Variants in C12orf75 observed in about 807,000 individuals in gnomAD.
The protein encoded by C12orf75 is overexpressed in colon carcinoma 1 protein.
Under a neutral mutation model 11.4 loss-of-function variants are expected in C12orf75, and 4 were observed. That is an observed-to-expected ratio of 0.35 (90% CI 0.17 to 0.80). C12orf75 has a LOEUF of 0.80. C12orf75 is among the 30% of genes least tolerant of loss of function. C12orf75 has a pLI of 0.52. For missense variants in C12orf75, 89 were observed against 80.4 expected (o/e 1.11, Z -0.41); for synonymous variants, 30 against 30.0 (o/e 1.00, Z 0.00).
chr12:105,339,422 A>T (rs1892539153), intron 1 of C12orf75, among the ~76,000 whole-genome samples: 1 of 142,476 alleles, frequency 7.0e-6, no homozygotes, highest in African/African-American at 2.6e-5. Context: ...AATTCTTCAC[A>T]TACATAATTT....
intron 1 of C12orf75, among the ~76,000 whole-genome samples, chr12:105,340,320 G>A (rs2136141692): frequency 6.6e-6 from 1 of 151,852 alleles, no homozygotes; most frequent in South Asian, 2.1e-4. Context: ...AGCTACTTGG[G>A]ACGCTGAGGC....
chr12:105,331,233 G>C (rs975217354), intron 1 of C12orf75, among the ~76,000 whole-genome samples: 2 of 152,080 alleles, frequency 1.3e-5, no homozygotes, highest in South Asian at 4.1e-4. Flanking sequence ...GGGTCTCAGG[G>C]CTCTCCTGGG....
chr12:105,345,737 A>G (rs527238360), intron 1 of C12orf75, among the ~76,000 whole-genome samples: 12 of 137,034 alleles, frequency 8.8e-5, no homozygotes, highest in East Asian at 4.4e-4. Flanking sequence ...TCTCAACTCA[A>G]TGCAACCTTT....
intron 2 of C12orf75, among the ~76,000 whole-genome samples, chr12:105,352,795 A>G (rs947737856): frequency 6.6e-6 from 1 of 152,178 alleles, no homozygotes; most frequent in Non-Finnish European, 1.5e-5. Flanking sequence ...AAACCTAGCT[A>G]GGTTAACCTT....
rs952219652 is a variant in C12orf75, at chr12:105,365,814, G to A, written c.79G>A (p.Glu27Lys). The change falls in exon 3 of 6, where the codon GAA (glutamate) becomes AAA (lysine). Residue 27 changes from glutamate (E) to lysine (K), a missense_variant. Physicochemically the swap from Glu to Lys is moderately conservative, Grantham distance 56 (BLOSUM62 1). Transcript: ENST00000443585. ...ATGTTTCTGACCTTTTAGAACAGAA[G>A]AATCCGTAACAGAAGATGACAAGAG... ...PAGAAKDVTE[E>K]SVTEDDKRRN... 6.5e-7 allele frequency: 1 copy of A among 1,549,262 alleles called. No individual in the cohort carries two copies. The highest frequency in any genetic ancestry group is 1.4e-5 in the African/African-American group (1 of 73,108).
chr12:105,356,010 A>G (rs1892776779), intron 2 of C12orf75, among the ~76,000 whole-genome samples: 1 of 152,210 alleles, frequency 6.6e-6, no homozygotes, highest in African/African-American at 2.4e-5. Context: ...AAAGGGACTA[A>G]TATTGGCCAA....
At position 105,362,107 on chromosome 12, in the gene C12orf75, C is replaced by T. The variant is rs570215367; in HGVS notation, c.72-3700C>T. Among the ~76,000 whole-genome samples the T allele has an allele frequency of 2.5e-4, 38 of 151,958 alleles. No homozygotes were observed. In the East Asian group the frequency reaches 7.4e-3, roughly 29 times the overall value. ...ATGATAAAAATTGGAGAGCTCCTGG[C>T]CGGGCGCGGTGGCTCACGCCTGTAA... On this transcript the variant is annotated intron_variant, in intron 2 of 5. Transcript: ENST00000443585.
At chr12:105,343,628 A>C (rs1325689125) in intron 1 of C12orf75, among the ~76,000 whole-genome samples, 3 of 152,186 alleles carry the variant, frequency 2.0e-5, no homozygotes, top group Non-Finnish European at 4.4e-5. Context: ...TTATGATTTT[A>C]TACTTTTACA....
rs147297248 is a variant in C12orf75, at chr12:105,358,244, G to C, written c.72-7563G>C. Among the ~76,000 whole-genome samples the C allele has an allele frequency of 2.0e-5, 3 of 152,288 alleles. No homozygotes were observed. The East Asian group carries it at 5.8e-4, about 29-fold the overall frequency. On this transcript the variant is annotated intron_variant, in intron 2 of 5. Transcript: ENST00000443585. ...TTTAAAAGGTTTTATAGCTGGGCAT[G>C]GTGGCACGTGTTTGTAGTCCCAGCC...
At chr12:105,355,387 C>A (rs1892767254) in intron 2 of C12orf75, among the ~76,000 whole-genome samples, 1 of 152,082 alleles carries the variant, frequency 6.6e-6, no homozygotes, top group Non-Finnish European at 1.5e-5. Flanking sequence ...CCAGGCTGGT[C>A]TCGAACTCCT....
chr12:105,366,405 C>T (rs1055157269), intron 3 of C12orf75: 4 of 383,758 alleles, frequency 1.0e-5, no homozygotes, highest in East Asian at 3.9e-5. Flanking sequence ...ATTCTACTAA[C>T]GCAATACATC....
chr12:105,345,659 C>CTTTTTTTTTTTTTTTTT (rs771376717), intron 1 of C12orf75, among the ~76,000 whole-genome samples: 4 of 73,520 alleles, frequency 5.4e-5, no homozygotes, highest in African/African-American at 1.7e-4. Flanking sequence ...AGTGTCTGGC[C>CTTTTTTTTTTTTTTTTT]TTTTTTTTTT....
At chr12:105,350,737 C>T (rs1892703188) in intron 2 of C12orf75, among the ~76,000 whole-genome samples, 1 of 152,130 alleles carries the variant, frequency 6.6e-6, no homozygotes, top group South Asian at 2.1e-4. Flanking sequence ...TAGAGTTATT[C>T]ATGTCATGCT....
chr12:105,360,748 C>G (rs1174356295), intron 2 of C12orf75, among the ~76,000 whole-genome samples: 1 of 152,014 alleles, frequency 6.6e-6, no homozygotes, highest in African/African-American at 2.4e-5. Context: ...GTCTCCCGGG[C>G]TCAGGTGAAC....
At position 105,348,636 on chromosome 12, in the gene C12orf75, G is replaced by A; in HGVS notation, c.71+10G>A. 1 of 1,524,710 alleles carries A rather than the reference G, an allele frequency of 6.6e-7. No homozygotes were observed. Among genetic ancestry groups the A allele is most frequent in the Non-Finnish European group, 8.9e-7 (1 of 1,128,774 alleles). The allele number at this position is 1,524,710 out of a possible 1,614,324, so 94.4% of individuals were successfully genotyped here. ...GAGCAGCCAAAGATGTGTAAGTATTGAATATTAATGATTTTATAAGCTGTC... is the reference window on the plus strand; with the variant it reads ...GAGCAGCCAAAGATGTGTAAGTATTAAATATTAATGATTTTATAAGCTGTC... On this transcript the variant is annotated intron_variant, in intron 2 of 5. Coordinates refer to ENST00000443585, the MANE Select transcript of C12orf75 (RefSeq NM_001145199.2).
chr12:105,366,608 T>C lies in C12orf75; in HGVS notation c.108-9T>C, dbSNP rs1454536756. On this transcript the variant is annotated splice_polypyrimidine_tract_variant and intron_variant, in intron 3 of 5. Transcript: ENST00000443585. ...ACCATTTAAATTGGTTTGATTTCTT[T>C]TTATCAAGAAACTATGGAGGAGTAT... The C allele has an allele frequency of 3.4e-6, 5 of 1,473,008 alleles. No individual in the cohort carries two copies. Among genetic ancestry groups the C allele is most frequent in the Non-Finnish European group, 4.6e-6 (5 of 1,078,184 alleles). The allele number at this position is 1,473,008 out of a possible 1,614,324, so 91.2% of individuals were successfully genotyped here.
intron 1 of C12orf75, among the ~76,000 whole-genome samples, chr12:105,332,075 C>T (rs2136138189): frequency 6.6e-6 from 1 of 152,232 alleles, no homozygotes; most frequent in Non-Finnish European, 1.5e-5. Flanking sequence ...GGAGAGCGAA[C>T]TTTTTAGATT....
chr12:105,355,000 G>T (rs918435999), intron 2 of C12orf75, among the ~76,000 whole-genome samples: 1 of 151,920 alleles, frequency 6.6e-6, no homozygotes, highest in African/African-American at 2.4e-5. Flanking sequence ...CCTCCCTAGG[G>T]AGTGGGATTT....
chr12:105,344,290 A>G (rs1892609245), intron 1 of C12orf75, among the ~76,000 whole-genome samples: 1 of 152,166 alleles, frequency 6.6e-6, no homozygotes, highest in Non-Finnish European at 1.5e-5. Context: ...AGTGACTGTC[A>G]GACAAATACT....
Sources: gnomAD v4.1 joint callset for allele counts (sites outside exome capture counted in the v4.1 genomes callset) on GRCh38, gnomAD v4.1.1 for gene constraint, MANE v1.5 for transcripts, NCBI Gene and HGNC (gene_info 2026-07-23, HGNC 2026-07-21) for gene names.